Variants in PNISR observed in about 807,000 individuals in gnomAD.
The protein encoded by PNISR is arginine/serine-rich protein PNISR.
In PNISR, 20 loss-of-function variants were observed where a neutral mutation model predicts 93.4. The observed-to-expected ratio is 0.21, with a 90% confidence interval of 0.15 to 0.31. The LOEUF (loss-of-function observed/expected upper bound fraction) is 0.31. Ranked by LOEUF, PNISR falls within the 10% of genes least tolerant of loss-of-function variation. The pLI, the probability that PNISR is intolerant of heterozygous loss-of-function variation, is 1.00. For missense variants in PNISR, 893 were observed against 985.4 expected (o/e 0.91, Z 1.25); for synonymous variants, 305 against 306.5 (o/e 0.99, Z 0.05).
chr6:99,402,287 C>T (rs913444919), intron 11 of PNISR, among the ~76,000 whole-genome samples: 1 of 152,004 alleles, frequency 6.6e-6, no homozygotes, highest in Non-Finnish European at 1.5e-5. Context: ...TATATTTTTC[C>T]CATTTCAAAA....
chr6:99,400,574 C>A lies in PNISR; in HGVS notation c.2384G>T (p.Ser795Ile), dbSNP rs1452726870. The change falls in exon 12 of 12, where the codon AGC becomes ATC. Residue 795 changes from serine (S) to isoleucine (I), a missense_variant. By Grantham distance (142) the Ser-to-Ile change is moderately radical. Transcript: ENST00000369239. ...EKSQRSGKKASRKHKSKSRSR is the reference protein window; with the variant it reads ...EKSQRSGKKAIRKHKSKSRSR ...TCGGGACTTAGACTTGTGTTTGCGG[C>A]TTGCCTTCTTACCAGACCTTTGAGA... 6.2e-7 allele frequency: 1 copy of A among 1,613,960 alleles called. No individual in the cohort carries two copies. Among genetic ancestry groups the A allele is most frequent in the Admixed American group, 1.7e-5 (1 of 60,006 alleles).
intron 5 of PNISR, 190 bp downstream of exon 5, chr6:99,410,551 A>C: frequency 1.9e-6 from 1 of 537,612 alleles, no homozygotes; most frequent in South Asian, 3.1e-5. Context: ...CCATTTTCCT[A>C]ATGAAATAAA....
chr6:99,399,343 T>C lies in PNISR; in HGVS notation c.*1197A>G, dbSNP rs1294182260. On this transcript the variant is annotated 3_prime_UTR_variant, in exon 12 of 12. Coordinates refer to ENST00000369239, the MANE Select transcript of PNISR (RefSeq NM_032870.4). ...AAACTGTTAGACCACTCACTAATCA[T>C]AATTTTAAGAAACGGACAAAATCAG... 6.6e-6 allele frequency: 1 copy of C among 152,098 alleles called. No homozygotes were observed. The highest frequency in any genetic ancestry group is 6.5e-5 in the Admixed American group (1 of 15,274). 9.4% of individuals were successfully genotyped at this position (152,098 alleles called of 1,614,324 possible).
Position 99,425,204 on chromosome 6 carries a change from C to A in PNISR, c.-112+11G>T. On this transcript the variant is annotated intron_variant, in intron 1 of 11. Transcript: ENST00000369239. ...GCAAGTGCCCACGTATAATTGTTCT[C>A]CATCACTTACCCACTCTAGTTCGGG... is the stretch of plus-strand genomic sequence containing the variant. 8.1e-7 allele frequency: 1 copy of A among 1,230,928 alleles called. No individual in the cohort carries two copies. Among genetic ancestry groups the A allele is most frequent in the Non-Finnish European group, 1.0e-6 (1 of 986,830 alleles). The allele number at this position is 1,230,928 out of a possible 1,614,324, so 76.3% of individuals were successfully genotyped here.
intron 2 of PNISR, chr6:99,415,147 A>G (rs1000467600): frequency 2.6e-5 from 4 of 152,202 alleles, no homozygotes; most frequent in Non-Finnish European, 5.9e-5. Flanking sequence ...CATATTGCCA[A>G]AAGTAATAAA....
At position 99,425,251 on chromosome 6, in the gene PNISR, C is replaced by T. The variant is rs1779358471; in HGVS notation, c.-148G>A. 1.6e-6 allele frequency: 2 copies of T among 1,232,152 alleles called. No individual in the cohort carries two copies. The highest frequency in any genetic ancestry group is 4.2e-5 in the Admixed American group (1 of 23,712). The allele number at this position is 1,232,152 out of a possible 1,614,324, so 76.3% of individuals were successfully genotyped here. A position where few individuals can be genotyped will look rare whatever the true frequency, so the allele number is the denominator to read the frequency against. On this transcript the variant is annotated 5_prime_UTR_variant, in exon 1 of 12. Transcript: ENST00000369239. The stretch of plus-strand genomic sequence containing the variant: ...CGGGAACACCCTTGTCGCCGCCGTT[C>T]CGGTAACACCTCTCCAACGCTTTCG...
chr6:99,417,692 G>A (rs1011842961), intron 1 of PNISR, among the ~76,000 whole-genome samples: 19 of 152,112 alleles, frequency 1.2e-4, no homozygotes, highest in African/African-American at 4.6e-4. Context: ...TCGGCCGAGC[G>A]CGGTAGCTCA....
chr6:99,409,611 T>C (rs1459422420), intron 5 of PNISR: 3 of 306,904 alleles, frequency 9.8e-6, no homozygotes, highest in South Asian at 5.8e-5. Context: ...TCATTCTGAA[T>C]CCATTTACAA....
chr6:99,413,568 T>TCAA (rs1777268411), intron 3 of PNISR, among the ~76,000 whole-genome samples: 1 of 152,036 alleles, frequency 6.6e-6, no homozygotes, highest in Non-Finnish European at 1.5e-5. Context: ...TCAAGCGATT[T>TCAA]GCCCACCTCA....
At chr6:99,408,003 G>A in intron 7 of PNISR, 78 bp downstream of exon 7, 3 of 1,036,972 alleles carry the variant, frequency 2.9e-6, no homozygotes, top group Non-Finnish European at 4.3e-6. Flanking sequence ...TTTCCTATAG[G>A]CTAAAATATC....
rs200011371 is a variant in PNISR, at chr6:99,402,635, T to C, written c.1232A>G (p.Asp411Gly). The change falls in exon 11 of 12, where the codon GAT (aspartate) becomes GGT (glycine). Residue 411 changes from aspartate (D) to glycine (G), a missense_variant. This residue lies in a region of PNISR where 866 missense variants were observed against 935.1 expected (regional missense o/e 0.93). Transcript: ENST00000369239. ...SDRGSESSDT[D>G]DEELRHRIRQ... ...GATTCGATGCCGTAATTCTTCATCATCAGTGTCAGATGACTCAGATCCTCT... is the reference window on the plus strand; with the variant it reads ...GATTCGATGCCGTAATTCTTCATCACCAGTGTCAGATGACTCAGATCCTCT... 47 of 1,613,606 alleles carry C rather than the reference T, an allele frequency of 2.9e-5. No individual in the cohort carries two copies. The highest frequency in any genetic ancestry group is 3.7e-5 in the Non-Finnish European group (44 of 1,179,694).
intron 5 of PNISR, chr6:99,409,838 C>T (rs1776671951): frequency 6.5e-6 from 1 of 154,440 alleles, no homozygotes; most frequent in South Asian, 2.0e-4. Context: ...AGAGGCTTTT[C>T]TAGGCCAGCT....
intron 11 of PNISR, 113 bp from the exon 12 acceptor site, chr6:99,401,743 G>A (rs544717136): frequency 2.2e-5 from 17 of 779,714 alleles, no homozygotes; most frequent in East Asian, 6.1e-5. Flanking sequence ...ATAGAATTAC[G>A]ATGCAAGCCA....
chr6:99,399,315 C>G lies in PNISR; in HGVS notation c.*1225G>C, dbSNP rs1334408731. 1 of 152,026 alleles carries G rather than the reference C, an allele frequency of 6.6e-6. No individual in the cohort carries two copies. The highest frequency in any genetic ancestry group is 6.5e-5 in the Admixed American group (1 of 15,276). The allele number at this position is 152,026 out of a possible 1,614,324, so 9.4% of individuals were successfully genotyped here. A position where few individuals can be genotyped will look rare whatever the true frequency, so the allele number is the denominator to read the frequency against. ...CATTCTACTTGTAAGTTATCAATGC[C>G]TTAAACTGTTAGACCACTCACTAAT... On this transcript the variant is annotated 3_prime_UTR_variant, in exon 12 of 12. Coordinates refer to ENST00000369239, the MANE Select transcript of PNISR (RefSeq NM_032870.4).
At position 99,401,007 on chromosome 6, in the gene PNISR, C is replaced by G. The variant is rs766896047; in HGVS notation, c.1951G>C (p.Gly651Arg). Reference sequence around the variant, plus strand: ...TCACCTTTATGCTTATGACTGTTCCCACTAAGATTTCCACGTTGATCATCA... The same window carrying G: ...TCACCTTTATGCTTATGACTGTTCCGACTAAGATTTCCACGTTGATCATCA... Reference protein sequence around the residue: ...KIDDQRGNLSGNSHKHKGEAK... With the variant: ...KIDDQRGNLSRNSHKHKGEAK... Residue 651 changes from glycine (G) to arginine (R), a missense_variant, in exon 12 of 12, where the codon GGG becomes CGG. By Grantham distance (125) the Gly-to-Arg change is moderately radical. Coordinates refer to ENST00000369239, the MANE Select transcript of PNISR (RefSeq NM_032870.4). 6.2e-7 allele frequency: 1 copy of G among 1,613,672 alleles called. No homozygotes were observed. The highest frequency in any genetic ancestry group is 8.5e-7 in the Non-Finnish European group (1 of 1,179,832).
intron 9 of PNISR, chr6:99,404,359 T>C: frequency 4.1e-6 from 2 of 485,362 alleles, no homozygotes; most frequent in Non-Finnish European, 7.4e-6. Flanking sequence ...CCTGGAATTT[T>C]CCACAATACA....
chr6:99,403,812 A>G lies in PNISR; in HGVS notation c.1156+17T>C. The G allele has an allele frequency of 6.2e-7, 1 of 1,605,172 alleles. No individual in the cohort carries two copies. ...TTTTTCCCTTTAGGCCCTCTCACAA[A>G]TATGGAAAACACTTACCGAGTCCAG... On this transcript the variant is annotated intron_variant, in intron 10 of 11. Transcript: ENST00000369239.
intron 9 of PNISR, chr6:99,404,349 C>G (rs927023208): frequency 2.1e-6 from 1 of 470,680 alleles, no homozygotes; most frequent in African/African-American, 2.0e-5. Context: ...AAACTGAACA[C>G]CTGGAATTTT....
intron 1 of PNISR, among the ~76,000 whole-genome samples, chr6:99,418,818 G>C (rs947087776): frequency 2.6e-5 from 4 of 152,094 alleles, no homozygotes; most frequent in African/African-American, 9.7e-5. Flanking sequence ...ACTGGATGAG[G>C]GCACAGGTGG....
Sources: allele counts gnomAD v4.1 joint callset (sites outside exome capture counted in the v4.1 genomes callset), GRCh38; gene constraint gnomAD v4.1.1; regional missense constraint gnomAD v4.1.1; transcripts MANE v1.5; gene names NCBI Gene and HGNC (gene_info 2026-07-23, HGNC 2026-07-21).